The following ALPK2 variants were observed in gnomAD, a reference collection of about 807,000 sequenced individuals.
The protein encoded by ALPK2 is alpha-protein kinase 2.
Under a neutral mutation model 163.1 loss-of-function variants are expected in ALPK2, and 127 were observed. The ratio of observed to expected loss-of-function variants is 0.78; its 90% CI spans 0.67 to 0.90. The LOEUF (loss-of-function observed/expected upper bound fraction) is 0.90. Among genes scored for constraint, ALPK2 ranks in the 40% least tolerant of loss-of-function variants. ALPK2 has a pLI of 0.00. For missense variants in ALPK2, 2,360 were observed against 2,589.6 expected (o/e 0.91, Z 1.92); for synonymous variants, 953 against 959.1 (o/e 0.99, Z 0.12).
intron 4 of ALPK2, chr18:58,543,241 G>T: frequency 1.8e-6 from 1 of 563,242 alleles, no homozygotes; most frequent in Non-Finnish European, 2.3e-6. Flanking sequence ...CTCTGCCTGG[G>T]ACTTCTCAGT....
intron 6 of ALPK2, among the ~76,000 whole-genome samples, chr18:58,525,188 A>G (rs2051578061): frequency 6.6e-6 from 1 of 152,228 alleles, no homozygotes; most frequent in Non-Finnish European, 1.5e-5. Flanking sequence ...ATAGACTTCA[A>G]GCCTCCAATA....
intron 3 of ALPK2, among the ~76,000 whole-genome samples, chr18:58,597,342 C>A (rs544027829): frequency 6.6e-6 from 1 of 152,162 alleles, no homozygotes; most frequent in Non-Finnish European, 1.5e-5. Context: ...CACAGGAGAT[C>A]TCAGGGCAGA....
intron 2 of ALPK2, among the ~76,000 whole-genome samples, 193 bp downstream of exon 2, chr18:58,611,496 G>T (rs1350728905): frequency 6.6e-6 from 1 of 152,152 alleles, no homozygotes; most frequent in African/African-American, 2.4e-5. Flanking sequence ...TCACTAAATC[G>T]TGTCCAGGAA....
chr18:58,586,053 A>G (rs2051985552), intron 3 of ALPK2, among the ~76,000 whole-genome samples: 1 of 152,230 alleles, frequency 6.6e-6, no homozygotes, highest in Admixed American at 6.5e-5. Flanking sequence ...GTCATTTGGA[A>G]AAACTTGGCT....
At position 58,535,996 on chromosome 18, in the gene ALPK2, T is replaced by G; in HGVS notation, c.4191A>C (p.Lys1397Asn). 6.2e-7 allele frequency: 1 copy of G among 1,614,022 alleles called. No individual in the cohort carries two copies. The highest frequency in any genetic ancestry group is 8.5e-7 in the Non-Finnish European group (1 of 1,179,940). Residue 1397 changes from lysine (K) to asparagine (N), a missense_variant, in exon 5 of 13, where the codon AAA (lysine) becomes AAC (asparagine). Lys to Asn is a moderately conservative substitution (Grantham distance 94). Transcript: ENST00000361673. ...TGGGATCTACAGAGGACTCTAGGATTTTAGGGCAGGTCAGAAACTTTTTAA... is the reference window on the plus strand; with the variant it reads ...TGGGATCTACAGAGGACTCTAGGATGTTAGGGCAGGTCAGAAACTTTTTAA... ...AFFKKFLTCP[K>N]ILESSVDPID...
rs146068935 is a variant in ALPK2 at position 58,536,240 on chromosome 18, C to T, written c.3947G>A (p.Gly1316Asp). Residue 1316 changes from glycine (G) to aspartate (D), a missense_variant, in exon 5 of 13, where the codon GGC becomes GAC. Transcript: ENST00000361673. ...ATGTACACTGATGGTGGGCTCTTCG[C>T]CTTTATGGCTTTCTCTGCTATCAGC... ...ALADSRESHK[G>D]EEPTISVHWR... The T allele has an allele frequency of 8.1e-6, 13 of 1,614,096 alleles. No individual in the cohort carries two copies. The South Asian group carries it at 1.2e-4, about 15-fold the overall frequency.
chr18:58,581,421 C>T (rs2051958769), intron 3 of ALPK2, among the ~76,000 whole-genome samples: 1 of 152,200 alleles, frequency 6.6e-6, no homozygotes, highest in South Asian at 2.1e-4. Context: ...GGCTGGAAAC[C>T]CATGTCCACA....
intron 4 of ALPK2, among the ~76,000 whole-genome samples, chr18:58,577,771 G>C (rs6566984): frequency 0.3 from 46,021 of 152,010 alleles, 7,073 homozygotes; most frequent in Admixed American, 0.36. Context: ...TTATGACTGG[G>C]TCTATAGAAA....
rs117899996 is a variant in ALPK2 at position 58,485,103 on chromosome 18, G to C, written c.6297-3064C>G. Among the ~76,000 whole-genome samples, 5 of 152,346 alleles carry C rather than the reference G, an allele frequency of 3.3e-5. No homozygotes were observed. In the East Asian group the frequency reaches 9.6e-4, roughly 29 times the overall value. The stretch of plus-strand genomic sequence containing the variant: ...AGCACAGAGCATTAAACCAAACACA[G>C]GGCCCTTCTGAGTGTGAGGTCCTGT... On this transcript the variant is annotated intron_variant, in intron 12 of 12. Transcript: ENST00000361673.
chr18:58,626,992 A>C (rs79648503), intron 1 of ALPK2, among the ~76,000 whole-genome samples: 4,263 of 152,272 alleles, frequency 0.028, 188 homozygotes, highest in African/African-American at 0.097. Flanking sequence ...ATCCCCCATC[A>C]ATCCTGTTAA....
intron 4 of ALPK2, among the ~76,000 whole-genome samples, chr18:58,550,600 A>G (rs2051752185): frequency 7.7e-6 from 1 of 129,552 alleles, no homozygotes; most frequent in Non-Finnish European, 1.6e-5. Flanking sequence ...ACCCATCCCC[A>G]TCTATATCAC....
rs755358378 is a variant in ALPK2, at chr18:58,579,969, G to T, written c.807C>A (p.Tyr269Ter). 3.7e-6 allele frequency: 6 copies of T among 1,614,206 alleles called. No homozygotes were observed. The South Asian group carries it at 4.4e-5, about 12-fold the overall frequency. Reference protein sequence around the residue: ...SSQQNPKVQKYISFSLPLSEA... With the variant: ...SSQQNPKVQK ...CAGATAGCGGGAGGCTGAAGCTAAT[G>T]TATTTCTGTACTTTGGGATTTTGCT... The change falls in exon 4 of 13, where the codon TAC becomes TAA. Residue 269 changes from tyrosine (Y) to a stop codon, truncating the protein, a stop_gained. Coordinates refer to ENST00000361673, the MANE Select transcript of ALPK2 (RefSeq NM_052947.4). LOFTEE classifies it high-confidence loss of function.
intron 12 of ALPK2, among the ~76,000 whole-genome samples, chr18:58,496,386 T>C (rs1346715356): frequency 1.3e-5 from 2 of 152,204 alleles, no homozygotes; most frequent in Admixed American, 1.3e-4. Flanking sequence ...GGGAGAAGCC[T>C]GGAGACAGTT....
Position 58,579,125 on chromosome 18 carries a change from C to T in ALPK2, c.1651G>A (p.Ala551Thr). ...GMKGNPKKPN[A>T]NLRESTTEGT... Reference sequence around the variant, plus strand: ...TCTGTTGTACTTTCTCTCAGGTTGGCATTCGGCTTCTTGGGATTTCCCTTC... The same window carrying T: ...TCTGTTGTACTTTCTCTCAGGTTGGTATTCGGCTTCTTGGGATTTCCCTTC... The change falls in exon 4 of 13, where the codon GCC becomes ACC. Residue 551 changes from alanine (A) to threonine (T), a missense_variant. By Grantham distance (58) the Ala-to-Thr change is moderately conservative. Coordinates refer to ENST00000361673, the MANE Select transcript of ALPK2 (RefSeq NM_052947.4). The T allele has an allele frequency of 6.2e-7, 1 of 1,614,192 alleles. No individual in the cohort carries two copies. Among genetic ancestry groups the T allele is most frequent in the South Asian group, 1.1e-5 (1 of 91,080 alleles).
intron 11 of ALPK2, 44 bp from the exon 12 acceptor site, chr18:58,498,141 G>GC (rs762654542): frequency 6.2e-7 from 1 of 1,604,200 alleles, no homozygotes; most frequent in African/African-American, 1.3e-5. Context: ...GTTACTCAGG[G>GC]CCCCTCAGGA....
intron 1 of ALPK2, among the ~76,000 whole-genome samples, chr18:58,620,510 G>T (rs558556164): frequency 1.3e-5 from 2 of 152,282 alleles, no homozygotes; most frequent in East Asian, 3.9e-4. Context: ...GGAGGTGAGG[G>T]CAGTGGGGAG....
At chr18:58,607,489 A>G (rs530151670) in intron 2 of ALPK2, 50 bp from the exon 3 acceptor site, 117 of 487,632 alleles carry the variant, frequency 2.4e-4, no homozygotes, top group African/African-American at 1.9e-3. Context: ...TATTTTTAGG[A>G]AAAAAAAAAA....
intron 1 of ALPK2, among the ~76,000 whole-genome samples, chr18:58,618,622 C>G (rs2052182575): frequency 1.3e-5 from 2 of 152,198 alleles, no homozygotes; most frequent in Admixed American, 6.5e-5. Flanking sequence ...TAAGTGTTAG[C>G]CGCTGCCAGT....
intron 8 of ALPK2, among the ~76,000 whole-genome samples, chr18:58,519,586 G>A (rs4396611): frequency 0.42 from 63,932 of 152,050 alleles, 14,422 homozygotes; most frequent in Non-Finnish European, 0.51. Context: ...AGTACCATAC[G>A]TGGTATAATT....
Sources: allele counts gnomAD v4.1 joint callset (sites outside exome capture counted in the v4.1 genomes callset), GRCh38; gene constraint gnomAD v4.1.1; transcripts MANE v1.5; gene names NCBI Gene and HGNC (gene_info 2026-07-23, HGNC 2026-07-21).